The following STAU2 variants were observed in gnomAD, a reference collection of about 807,000 sequenced individuals.
STAU2 encodes double-stranded RNA-binding protein Staufen homolog 2.
In STAU2, 20 loss-of-function variants were observed where a neutral mutation model predicts 65.9. The observed-to-expected ratio is 0.30, with a 90% CI of 0.21 to 0.44. The LOEUF is 0.44. Ranked by LOEUF, STAU2 falls within the 20% of genes least tolerant of loss-of-function variation. The pLI is 1.00. For missense variants in STAU2, 558 were observed against 683.9 expected (o/e 0.82, Z 2.05); for synonymous variants, 232 against 233.9 (o/e 0.99, Z 0.07).
intron 13 of STAU2, among the ~76,000 whole-genome samples, chr8:73,516,100 AT>A (rs113557390): frequency 8.1e-5 from 12 of 148,686 alleles, no homozygotes; most frequent in East Asian, 2.0e-4. Context: ...TGCCCAACTA[AT>A]TTTTTTTTTG....
chr8:73,743,734 A>G (rs1807055642), intron 1 of STAU2, among the ~76,000 whole-genome samples: 1 of 150,084 alleles, frequency 6.7e-6, no homozygotes, highest in African/African-American at 2.5e-5. Flanking sequence ...TCGGCCTCCC[A>G]AAGTGCTGGG....
chr8:73,505,874 C>T (rs1380225213), intron 13 of STAU2, among the ~76,000 whole-genome samples: 1 of 152,048 alleles, frequency 6.6e-6, no homozygotes, highest in Non-Finnish European at 1.5e-5. Flanking sequence ...TAGCATCATC[C>T]CCTTGGTGAT....
chr8:73,477,207 C>A (rs1371997395), intron 13 of STAU2, among the ~76,000 whole-genome samples: 1 of 152,008 alleles, frequency 6.6e-6, no homozygotes, highest in Non-Finnish European at 1.5e-5. Context: ...GAGCAGGTGG[C>A]AGAGCATGGA....
At chr8:73,612,098 C>T (rs1399977069) in intron 9 of STAU2, among the ~76,000 whole-genome samples, 1 of 152,120 alleles carries the variant, frequency 6.6e-6, no homozygotes, top group Non-Finnish European at 1.5e-5. Context: ...GCTGTTCCTC[C>T]ATCACAGAAA....
intron 12 of STAU2, among the ~76,000 whole-genome samples, chr8:73,567,095 T>C (rs995750829): frequency 2.0e-5 from 3 of 152,170 alleles, no homozygotes; most frequent in African/African-American, 4.8e-5. Context: ...TTATATGTTA[T>C]AAACTACTCA....
At chr8:73,481,455 C>T (rs1462802770) in intron 13 of STAU2, among the ~76,000 whole-genome samples, 1 of 149,452 alleles carries the variant, frequency 6.7e-6, no homozygotes, top group Admixed American at 6.7e-5. Context: ...GCTAGGGTCC[C>T]TTCTAGCTTC....
chr8:73,658,448 A>G (rs1816555524), intron 6 of STAU2, among the ~76,000 whole-genome samples: 1 of 152,214 alleles, frequency 6.6e-6, no homozygotes, highest in South Asian at 2.1e-4. Context: ...CCAAGTTTCC[A>G]GTAATCAACA....
At chr8:73,720,163 G>A (rs1482505771) in intron 3 of STAU2, among the ~76,000 whole-genome samples, 1 of 151,778 alleles carries the variant, frequency 6.6e-6, no homozygotes, top group Non-Finnish European at 1.5e-5. Context: ...TGTGCCTGAA[G>A]TCCCAGCTAG....
intron 13 of STAU2, among the ~76,000 whole-genome samples, chr8:73,435,114 C>A (rs75017877): frequency 0.067 from 10,149 of 151,796 alleles, 1,046 homozygotes; most frequent in African/African-American, 0.2. Flanking sequence ...GGACCTTCTG[C>A]CCTGCTGAGG....
chr8:73,719,620 T>G (rs948673369), intron 3 of STAU2, among the ~76,000 whole-genome samples: 5 of 152,242 alleles, frequency 3.3e-5, no homozygotes, highest in Non-Finnish European at 7.3e-5. Context: ...ATTACACTAC[T>G]GATTTTTTGG....
rs1816323363 is a variant in STAU2, at chr8:73,420,605, C to T, written c.*767G>A. On this transcript the variant is annotated 3_prime_UTR_variant, in exon 15 of 15. Transcript: ENST00000524300. ...CGGATGGGGGTGGGCGCGATTCCCA[C>T]AACAGGGAGTGGAATCCGGGAAGAT... 1 of 175,926 alleles carries T rather than the reference C, an allele frequency of 5.7e-6. No homozygotes were observed. The highest frequency in any genetic ancestry group is 2.3e-5 in the African/African-American group (1 of 42,852). The allele number at this position is 175,926 out of a possible 1,614,324, so 10.9% of individuals were successfully genotyped here.
chr8:73,509,235 C>T (rs1047697927), intron 13 of STAU2, among the ~76,000 whole-genome samples: 4 of 151,974 alleles, frequency 2.6e-5, no homozygotes, highest in Non-Finnish European at 4.4e-5. Flanking sequence ...TTTGCATTTC[C>T]CTGATGGCTA....
chr8:73,522,391 T>C (rs1823088929), intron 13 of STAU2, among the ~76,000 whole-genome samples: 1 of 152,188 alleles, frequency 6.6e-6, no homozygotes, highest in Non-Finnish European at 1.5e-5. Flanking sequence ...TATGTTGCTT[T>C]TAATAACATA....
chr8:73,692,441 C>A (rs1231885987), intron 4 of STAU2, among the ~76,000 whole-genome samples: 2 of 152,142 alleles, frequency 1.3e-5, no homozygotes, highest in East Asian at 3.9e-4. Context: ...CGTGATCCAC[C>A]CACCTCAGCC....
intron 13 of STAU2, among the ~76,000 whole-genome samples, chr8:73,546,123 CTT>C (rs71561528): frequency 3.2e-5 from 3 of 93,286 alleles, no homozygotes; most frequent in Admixed American, 1.7e-4. Context: ...GTTTGGTTTT[CTT>C]TTTTTTTTTT....
chr8:73,551,840 T>A, intron 13 of STAU2, 172 bp downstream of exon 13: 1 of 1,276,294 alleles, frequency 7.8e-7, no homozygotes, highest in South Asian at 3.4e-5. Flanking sequence ...TAAGAGAAAA[T>A]GAGGCATGTG....
intron 13 of STAU2, among the ~76,000 whole-genome samples, chr8:73,463,505 G>T (rs1819485314): frequency 6.6e-6 from 1 of 152,194 alleles, no homozygotes; most frequent in Non-Finnish European, 1.5e-5. Context: ...AATGATTACA[G>T]AAGCTGGTGT....
rs555277350 is a variant in STAU2, at chr8:73,555,946, T to A, written c.1223-3627A>T. On this transcript the variant is annotated intron_variant, in intron 12 of 14. Coordinates refer to ENST00000524300, the MANE Select transcript of STAU2 (RefSeq NM_001164380.2). Reference sequence around the variant, plus strand: ...ATAATCAGGAAAAAATTTCAATAAATTTTTTTACAAGAAAACATTATGTAC... The same window carrying A: ...ATAATCAGGAAAAAATTTCAATAAAATTTTTTACAAGAAAACATTATGTAC... Among the ~76,000 whole-genome samples the A allele has an allele frequency of 9.2e-5, 14 of 152,240 alleles. 1 individual carries two copies. The South Asian group carries it at 2.9e-3, about 32-fold the overall frequency.
intron 10 of STAU2, among the ~76,000 whole-genome samples, chr8:73,600,349 C>A (rs1012684350): frequency 3.9e-5 from 6 of 152,002 alleles, no homozygotes; most frequent in African/African-American, 1.2e-4. Flanking sequence ...ATTTCATTGC[C>A]TTTTTTTCTG....
Sources: allele counts gnomAD v4.1 joint callset (sites outside exome capture counted in the v4.1 genomes callset), GRCh38; gene constraint gnomAD v4.1.1; transcripts MANE v1.5; gene names NCBI Gene and HGNC (gene_info 2026-07-23, HGNC 2026-07-21).